Variants in CLEC16A observed in about 807,000 individuals in gnomAD.
The protein encoded by CLEC16A is C-type lectin domain containing 16A.
Under a neutral mutation model 109.5 loss-of-function variants are expected in CLEC16A, and 51 were observed. The ratio of observed to expected loss-of-function variants is 0.47; its 90% CI spans 0.37 to 0.59. CLEC16A has a LOEUF of 0.59. CLEC16A is among the 20% of genes least tolerant of loss of function. CLEC16A has a pLI of 0.00. For missense variants in CLEC16A, 1,339 were observed against 1,394.0 expected (o/e 0.96, Z 0.63); for synonymous variants, 673 against 564.2 (o/e 1.19, Z -2.73).
chr16:11,090,657 G>GT (rs1567303849), intron 19 of CLEC16A, among the ~76,000 whole-genome samples: 1 of 151,904 alleles, frequency 6.6e-6, no homozygotes, highest in African/African-American at 2.4e-5. Flanking sequence ...TATTTAGTTA[G>GT]TTTTTGAGAG....
chr16:11,024,387 A>G (rs992775403), intron 12 of CLEC16A: 17 of 160,382 alleles, frequency 1.1e-4, no homozygotes, highest in Admixed American at 6.1e-4. Context: ...ACTAGGGCTC[A>G]TGTTCTTGAA....
intron 3 of CLEC16A, among the ~76,000 whole-genome samples, chr16:10,966,258 AC>A (rs1448159428): frequency 1.3e-5 from 2 of 152,208 alleles, no homozygotes; most frequent in African/African-American, 4.8e-5. Context: ...ATACACAGCA[AC>A]CTGGAAAGCC....
chr16:11,025,316 C>A (rs1244306392), intron 13 of CLEC16A, among the ~76,000 whole-genome samples: 1 of 152,148 alleles, frequency 6.6e-6, no homozygotes, highest in African/African-American at 2.4e-5. Flanking sequence ...ACTTGGTGTT[C>A]TTATTCTGTG....
At chr16:11,156,690 C>T (rs1191325264) in intron 22 of CLEC16A, 2 of 1,301,156 alleles carry the variant, frequency 1.5e-6, no homozygotes, top group African/African-American at 1.5e-5. Context: ...ACGGTAATAC[C>T]AGTGGAAGAG....
chr16:11,176,683 A>C (rs2068759896), intron 23 of CLEC16A, among the ~76,000 whole-genome samples: 1 of 152,164 alleles, frequency 6.6e-6, no homozygotes, highest in Non-Finnish European at 1.5e-5. Context: ...GGCTGCAGTG[A>C]GCTATGATCA....
intron 18 of CLEC16A, among the ~76,000 whole-genome samples, chr16:11,058,756 C>T (rs778456521): frequency 2.0e-5 from 3 of 152,156 alleles, no homozygotes; most frequent in Non-Finnish European, 4.4e-5. Context: ...GAGTGGTGGG[C>T]TGCAGAAAGC....
intron 1 of CLEC16A, among the ~76,000 whole-genome samples, chr16:10,945,752 A>T (rs984906096): frequency 6.6e-6 from 1 of 152,224 alleles, no homozygotes; most frequent in Non-Finnish European, 1.5e-5. Context: ...AGGCCTTCCC[A>T]GACCACCCTA....
chr16:11,109,432 G>A (rs1379962735), intron 19 of CLEC16A, among the ~76,000 whole-genome samples: 1 of 152,168 alleles, frequency 6.6e-6, no homozygotes, highest in Admixed American at 6.5e-5. Context: ...GGGATTACAG[G>A]TATGAGCCAC....
At chr16:11,067,008 A>G (rs970316491) in intron 19 of CLEC16A, among the ~76,000 whole-genome samples, 2 of 152,142 alleles carry the variant, frequency 1.3e-5, no homozygotes, top group African/African-American at 2.4e-5. Flanking sequence ...TTTATGAACA[A>G]TCATTCCATA....
chr16:11,120,985 T>TA (rs1304305317), intron 20 of CLEC16A, among the ~76,000 whole-genome samples: 3 of 152,202 alleles, frequency 2.0e-5, no homozygotes, highest in African/African-American at 7.2e-5. Flanking sequence ...GCTCGATTCT[T>TA]ACACCTCCCC....
chr16:11,119,105 A>G (rs758690596), intron 19 of CLEC16A, among the ~76,000 whole-genome samples: 2 of 152,118 alleles, frequency 1.3e-5, no homozygotes, highest in Non-Finnish European at 2.9e-5. Flanking sequence ...GGTTCAAGCG[A>G]TTCTCCACCT....
chr16:11,134,249 A>T (rs941591623), intron 22 of CLEC16A, among the ~76,000 whole-genome samples: 2 of 148,466 alleles, frequency 1.3e-5, no homozygotes, highest in African/African-American at 2.5e-5. Flanking sequence ...CACTGGTACC[A>T]GGCAAAACTA....
At chr16:10,975,459 G>C (rs1262191440) in intron 7 of CLEC16A, among the ~76,000 whole-genome samples, 6 of 152,124 alleles carry the variant, frequency 3.9e-5, no homozygotes, top group Non-Finnish European at 8.8e-5. Flanking sequence ...TTAAACCAAA[G>C]TATTAAAAAG....
chr16:11,117,111 G>A (rs2052051191), intron 19 of CLEC16A, among the ~76,000 whole-genome samples: 1 of 152,260 alleles, frequency 6.6e-6, no homozygotes, highest in African/African-American at 2.4e-5. Context: ...TTACTTATAA[G>A]TGGGAGCTCA....
In CLEC16A at chr16:11,088,634, C is replaced by T. The variant is rs372547908; in HGVS notation, c.2116+27612C>T. Among the ~76,000 whole-genome samples, 44 of 152,318 alleles carry T rather than the reference C, an allele frequency of 2.9e-4. No individual in the cohort carries two copies. In the East Asian group the frequency reaches 7.7e-3, roughly 27 times the overall value. ...CAGGCCCCCAGCCACGCGCGGAGAG[C>T]TTCTCCAGAGAGGGCTGTGATGTGC... On this transcript the variant is annotated intron_variant, in intron 19 of 23. Transcript: ENST00000409790.
At chr16:11,045,355 A>C (rs1443537724) in intron 16 of CLEC16A, among the ~76,000 whole-genome samples, 1 of 152,178 alleles carries the variant, frequency 6.6e-6, no homozygotes, top group Non-Finnish European at 1.5e-5. Flanking sequence ...TCAAAAAAAG[A>C]AGAAAAAGAA....
chr16:11,164,324 G>C (rs572316876), intron 22 of CLEC16A, among the ~76,000 whole-genome samples: 21 of 152,284 alleles, frequency 1.4e-4, no homozygotes, highest in African/African-American at 5.1e-4. Context: ...ACCCAACTGG[G>C]GGTATAAATA....
intron 16 of CLEC16A, among the ~76,000 whole-genome samples, chr16:11,044,548 T>G (rs2047531466): frequency 6.6e-6 from 1 of 152,188 alleles, no homozygotes; most frequent in African/African-American, 2.4e-5. Flanking sequence ...TCTATTAACG[T>G]TTATTGAGAT....
At chr16:11,004,567 C>A (rs970337012) in intron 11 of CLEC16A, among the ~76,000 whole-genome samples, 8 of 152,114 alleles carry the variant, frequency 5.3e-5, no homozygotes, top group African/African-American at 1.9e-4. Flanking sequence ...CTTCCCAGTC[C>A]AGGGCATCTG....
Sources: allele counts gnomAD v4.1 joint callset (sites outside exome capture counted in the v4.1 genomes callset), GRCh38; gene constraint gnomAD v4.1.1; transcripts MANE v1.5; gene names NCBI Gene and HGNC (gene_info 2026-07-23, HGNC 2026-07-21).